The following TTC21B variants were observed in gnomAD, a reference collection of about 807,000 sequenced individuals.
The protein encoded by TTC21B is tetratricopeptide repeat domain 21B, also known as tetratricopeptide repeat protein 21B.
A neutral mutation model predicts 175.1 loss-of-function variants in TTC21B; 127 were observed. That is an observed-to-expected ratio of 0.73 (90% CI 0.63 to 0.84). The LOEUF (loss-of-function observed/expected upper bound fraction) is 0.84. TTC21B is among the 40% of genes least tolerant of loss of function. The pLI is 0.00. For synonymous variants in TTC21B, 524 were observed against 524.5 expected (o/e 1.00, Z 0.01); for missense variants, 1,561 against 1,558.3 (o/e 1.00, Z -0.03).
chr2:165,912,910 A>C (rs1686007323), intron 16 of TTC21B, among the ~76,000 whole-genome samples: 2 of 152,212 alleles, frequency 1.3e-5, no homozygotes, highest in Non-Finnish European at 2.9e-5. Flanking sequence ...CATTTCCAGA[A>C]GTCATTAAAC....
chr2:165,921,709 T>A (rs1032717308), intron 12 of TTC21B, among the ~76,000 whole-genome samples: 1 of 152,066 alleles, frequency 6.6e-6, no homozygotes, highest in Non-Finnish European at 1.5e-5. Context: ...TCAGAAGTCA[T>A]TGCAGTTGGC....
intron 25 of TTC21B, among the ~76,000 whole-genome samples, chr2:165,886,660 G>C (rs1406120823): frequency 6.6e-6 from 1 of 152,094 alleles, no homozygotes; most frequent in Admixed American, 6.5e-5. Context: ...ACAGAAAGCA[G>C]GCATAGTCCT....
At position 165,919,263 on chromosome 2, in the gene TTC21B, C is replaced by A; in HGVS notation, c.1674+13G>T. On this transcript the variant is annotated intron_variant, in intron 13 of 28. Coordinates refer to ENST00000243344, the MANE Select transcript of TTC21B (RefSeq NM_024753.5). ...GGTGATATGTCTTATCCACTTCAGT[C>A]TGGAATACTTACCTTAAAATCATAG... 6.2e-7 allele frequency: 1 copy of A among 1,613,730 alleles called. No homozygotes were observed. Among genetic ancestry groups the A allele is most frequent in the South Asian group, 1.1e-5 (1 of 91,014 alleles).
Position 165,917,252 on chromosome 2 carries a change from C to A in TTC21B, c.1899+5G>T. 6.2e-7 allele frequency: 1 copy of A among 1,613,340 alleles called. No homozygotes were observed. Among genetic ancestry groups the A allele is most frequent in the South Asian group, 1.1e-5 (1 of 91,050 alleles). On this transcript the variant is annotated splice_donor_5th_base_variant and intron_variant, in intron 14 of 28. Transcript: ENST00000243344. ...TCCGAGCCCTTAAATTAAAACTTGA[C>A]CTACCTGCTCTCCATTTAAGCGGTG...
chr2:165,883,762 C>T, intron 26 of TTC21B, 32 bp downstream of exon 26: 1 of 1,530,650 alleles, frequency 6.5e-7, no homozygotes, highest in South Asian at 1.1e-5. Flanking sequence ...CAACAAAGGT[C>T]AATAATTATT....
intron 19 of TTC21B, among the ~76,000 whole-genome samples, chr2:165,907,340 C>T (rs1685773849): frequency 6.6e-6 from 1 of 151,186 alleles, no homozygotes; most frequent in African/African-American, 2.4e-5. Context: ...CACTGAGAAC[C>T]ACAAAATATT....
At chr2:165,894,910 C>G (rs180766814) in intron 22 of TTC21B, among the ~76,000 whole-genome samples, 1 of 151,866 alleles carries the variant, frequency 6.6e-6, no homozygotes, top group African/African-American at 2.4e-5. Flanking sequence ...ACAAAGTAAC[C>G]GAGGATTAGG....
intron 22 of TTC21B, among the ~76,000 whole-genome samples, chr2:165,894,180 A>C (rs7578031): frequency 0.024 from 3,589 of 152,174 alleles, 147 homozygotes; most frequent in African/African-American, 0.082. Context: ...GCTATCAAGC[A>C]AACAGAGCTG....
At chr2:165,926,534 C>A (rs920238834) in intron 11 of TTC21B, among the ~76,000 whole-genome samples, 1 of 152,152 alleles carries the variant, frequency 6.6e-6, no homozygotes, top group South Asian at 2.1e-4. Context: ...ACCAGCTGCT[C>A]CCATTGTCTG....
chr2:165,919,523 G>T (rs1364528381), intron 12 of TTC21B, 90 bp from the exon 13 acceptor site: 3 of 1,398,036 alleles, frequency 2.1e-6, no homozygotes, highest in Non-Finnish European at 3.0e-6. Flanking sequence ...TTAGTTTACG[G>T]ATAGCCCTAG....
Position 165,876,221 on chromosome 2 carries a change from C to A in TTC21B, c.3817G>T (p.Ala1273Ser). Residue 1273 changes from alanine to serine, a missense_variant, in exon 28 of 29, where the codon GCA (alanine) becomes TCA (serine). Ala to Ser is a moderately conservative substitution (Grantham distance 99, BLOSUM62 1). Transcript: ENST00000243344. ...RTNPAVGYKLAFNYLKAKRYV... is the reference protein window; with the variant it reads ...RTNPAVGYKLSFNYLKAKRYV... ...CTTTTTGCTTTTAAGTAATTAAATG[C>A]CAGTTTGTATCCTGTTAAGACAAAA... 1 of 1,592,706 alleles carries A rather than the reference C, an allele frequency of 6.3e-7. No homozygotes were observed. Among genetic ancestry groups the A allele is most frequent in the Non-Finnish European group, 8.6e-7 (1 of 1,161,714 alleles).
intron 17 of TTC21B, 101 bp downstream of exon 17, chr2:165,912,413 T>C: frequency 2.2e-6 from 2 of 909,136 alleles, no homozygotes; most frequent in East Asian, 4.8e-5. Context: ...ATTTGGAGTT[T>C]ACAACCATTA....
chr2:165,888,219 T>C (rs1685072849), intron 25 of TTC21B, 60 bp downstream of exon 25: 4 of 1,283,566 alleles, frequency 3.1e-6, no homozygotes, highest in Admixed American at 1.8e-5. Flanking sequence ...AATCAAAATA[T>C]ATGTTTCTAT....
Position 165,880,713 on chromosome 2 carries a change from T to A in TTC21B, c.3771A>T (p.Ala1257=). The change falls in exon 27 of 29, where the codon GCA becomes GCT. Residue 1257 remains alanine (A), a synonymous_variant. Coordinates refer to ENST00000243344, the MANE Select transcript of TTC21B (RefSeq NM_024753.5). The part of the protein sequence containing the change: ...YTDAALNYEM[A]WKYSNRTNPA... ...GATTTGTCCGATTGCTATATTTCCA[T>A]GCCATCTCATAGTTCAAGGCAGCAT... is the stretch of plus-strand genomic sequence containing the variant. 1 of 1,613,678 alleles carries A rather than the reference T, an allele frequency of 6.2e-7. No individual in the cohort carries two copies. The highest frequency in any genetic ancestry group is 8.5e-7 in the Non-Finnish European group (1 of 1,179,800).
intron 11 of TTC21B, among the ~76,000 whole-genome samples, chr2:165,925,443 C>T (rs1474635926): frequency 6.6e-6 from 1 of 152,122 alleles, no homozygotes; most frequent in Non-Finnish European, 1.5e-5. Flanking sequence ...TCCTGCTTTG[C>T]CTTACTAAGG....
intron 22 of TTC21B, among the ~76,000 whole-genome samples, chr2:165,893,892 G>A (rs1685276298): frequency 6.6e-6 from 1 of 152,098 alleles, no homozygotes; most frequent in African/African-American, 2.4e-5. Context: ...AGCGGAGGAA[G>A]AAGGATAAGA....
intron 18 of TTC21B, among the ~76,000 whole-genome samples, chr2:165,910,132 G>A (rs542646152): frequency 3.9e-5 from 6 of 152,198 alleles, no homozygotes; most frequent in South Asian, 2.1e-4. Context: ...GGCCAGGCGC[G>A]GTGGCTCACG....
rs755001539 is a variant in TTC21B, at chr2:165,929,651, G to A, written c.1184C>T (p.Ala395Val). 24 of 1,603,750 alleles carry A rather than the reference G, an allele frequency of 1.5e-5. No homozygotes were observed. The highest frequency in any genetic ancestry group is 9.9e-5 in the South Asian group (9 of 90,882). Residue 395 changes from alanine (A) to valine (V), a missense_variant and splice_region_variant, in exon 10 of 29, where the codon GCG (alanine) becomes GTG (valine). Coordinates refer to ENST00000243344, the MANE Select transcript of TTC21B (RefSeq NM_024753.5). ...AGCTGATAAAATAAAATACTGTACC[G>A]CAGATTTTCCAATGGATTGCTGGAT... Reference protein sequence around the residue: ...NEIQQSIGKSAELIYLHAVLA... With the variant: ...NEIQQSIGKSVELIYLHAVLA...
chr2:165,947,846 C>G lies in TTC21B; in HGVS notation c.262+1548G>C, dbSNP rs779242831. 3.9e-5 allele frequency: 6 copies of G among 152,376 alleles called. No homozygotes were observed. In the East Asian group the frequency reaches 5.8e-4, roughly 15 times the overall value. 9.4% of individuals were successfully genotyped at this position (152,376 alleles called of 1,614,324 possible). A position where few individuals can be genotyped will look rare whatever the true frequency, so the allele number is the denominator to read the frequency against. The stretch of plus-strand genomic sequence containing the variant: ...TCCTTGGTGCAAAGCAGAGTTAGCA[C>G]TCAGGTTCCTCTGAACAGTATTTCT... On this transcript the variant is annotated intron_variant, in intron 3 of 28. Transcript: ENST00000243344.
Sources: gnomAD v4.1 joint callset for allele counts (sites outside exome capture counted in the v4.1 genomes callset) on GRCh38, gnomAD v4.1.1 for gene constraint, MANE v1.5 for transcripts, NCBI Gene and HGNC (gene_info 2026-07-23, HGNC 2026-07-21) for gene names.